Variants in TRAPPC9 observed in about 807,000 individuals in gnomAD.
TRAPPC9 encodes IKK2 binding protein.
Under a neutral mutation model 124.0 loss-of-function variants are expected in TRAPPC9, and 83 were observed. That is an observed-to-expected ratio of 0.67 (90% CI 0.56 to 0.80). TRAPPC9 has a LOEUF of 0.80. TRAPPC9 is among the 30% of genes least tolerant of loss of function. The probability of loss-of-function intolerance (pLI) is 0.00; values close to 1 mark genes in which losing one functional copy is unlikely to be tolerated. For missense variants in TRAPPC9, 1,302 were observed against 1,508.3 expected (o/e 0.86, Z 2.27); for synonymous variants, 638 against 617.5 (o/e 1.03, Z -0.49).
At chr8:140,154,847 G>A (rs576922568) in intron 17 of TRAPPC9, among the ~76,000 whole-genome samples, 6 of 152,370 alleles carry the variant, frequency 3.9e-5, no homozygotes, top group African/African-American at 1.4e-4. Flanking sequence ...GGCTGGCACA[G>A]AGAAGGCACT....
chr8:139,740,935 G>A (rs1818512518), intron 21 of TRAPPC9, among the ~76,000 whole-genome samples: 1 of 152,158 alleles, frequency 6.6e-6, no homozygotes, highest in Non-Finnish European at 1.5e-5. Context: ...CACCAGGAGG[G>A]GTGAATCCAG....
chr8:139,737,997 A>G (rs1413467663), intron 21 of TRAPPC9, among the ~76,000 whole-genome samples: 1 of 152,136 alleles, frequency 6.6e-6, no homozygotes, highest in African/African-American at 2.4e-5. Flanking sequence ...GCCGGATGCA[A>G]TTGAGAGGAA....
intron 21 of TRAPPC9, among the ~76,000 whole-genome samples, chr8:139,791,581 GAC>G (rs137877446): frequency 7.1e-6 from 1 of 141,764 alleles, no homozygotes; most frequent in South Asian, 2.3e-4. Context: ...CCCCTGCACA[GAC>G]ACACACACAC....
chr8:140,113,027 C>CA (rs1030689353), intron 17 of TRAPPC9, among the ~76,000 whole-genome samples: 2 of 150,454 alleles, frequency 1.3e-5, no homozygotes, highest in East Asian at 1.9e-4. Context: ...TTCTTGACAT[C>CA]AAAAAAAAAT....
chr8:140,424,439 C>G (rs2070352263), intron 5 of TRAPPC9, among the ~76,000 whole-genome samples: 12 of 151,514 alleles, frequency 7.9e-5, no homozygotes, highest in Admixed American at 7.9e-4. Context: ...CCAGGACCAG[C>G]TGGGTCAACA....
intron 16 of TRAPPC9, among the ~76,000 whole-genome samples, chr8:140,229,561 C>A (rs188670630): frequency 6.6e-6 from 1 of 151,632 alleles, no homozygotes; most frequent in Non-Finnish European, 1.5e-5. Flanking sequence ...TGTGAGCCAC[C>A]GCACCCGGCC....
intron 17 of TRAPPC9, among the ~76,000 whole-genome samples, chr8:140,132,793 G>GGAGGAA (rs1396637527): frequency 1.3e-4 from 2 of 15,022 alleles, no homozygotes; most frequent in Non-Finnish European, 2.6e-4. Flanking sequence ...AGGCCAAGTC[G>GGAGGAA]GAGGAGGAGG....
intron 17 of TRAPPC9, among the ~76,000 whole-genome samples, chr8:140,184,330 A>C (rs2062302237): frequency 6.6e-6 from 1 of 152,246 alleles, no homozygotes; most frequent in African/African-American, 2.4e-5. Context: ...AAGAAAGTTC[A>C]CCAAAAGTTG....
At chr8:140,402,978 A>G (rs2069334564) in intron 6 of TRAPPC9, among the ~76,000 whole-genome samples, 1 of 152,204 alleles carries the variant, frequency 6.6e-6, no homozygotes, top group Non-Finnish European at 1.5e-5. Flanking sequence ...TTATAAAAAT[A>G]TTTTAAATGC....
rs535124659 is a variant in TRAPPC9 at position 140,157,651 on chromosome 8, G to A, written c.2556+63808C>T. Among the ~76,000 whole-genome samples the A allele has an allele frequency of 1.3e-4, 19 of 151,956 alleles. No individual in the cohort carries two copies. The East Asian group carries it at 1.9e-3, about 15-fold the overall frequency. ...ACTCTCAGATACCAATTCTGTGTTC[G>A]ATCATACATTTTCTTTTTCACTAAA... On this transcript the variant is annotated intron_variant, in intron 17 of 22. Coordinates refer to ENST00000438773, the MANE Select transcript of TRAPPC9 (RefSeq NM_001160372.4).
chr8:140,382,079 C>T (rs1444853382), intron 7 of TRAPPC9, among the ~76,000 whole-genome samples: 1 of 152,218 alleles, frequency 6.6e-6, no homozygotes, highest in East Asian at 1.9e-4. Flanking sequence ...ACCTAAAGTC[C>T]ATCAACCAAT....
intron 17 of TRAPPC9, among the ~76,000 whole-genome samples, chr8:140,101,532 CTTTTTTTTGTTTTT>C (rs1484829922): frequency 7.6e-5 from 6 of 78,722 alleles, no homozygotes; most frequent in East Asian, 4.5e-4. Flanking sequence ...GTAGGGTTTT[CTTTTTTTTGTTTTT>C]TTTTTTTTTT....
intron 21 of TRAPPC9, among the ~76,000 whole-genome samples, chr8:139,828,050 C>T (rs532819818): frequency 6.6e-6 from 1 of 152,312 alleles, no homozygotes; most frequent in Non-Finnish European, 1.5e-5. Flanking sequence ...ACACCTCCCA[C>T]CAGGCCCCAC....
chr8:140,408,682 A>G (rs950994452), intron 5 of TRAPPC9, among the ~76,000 whole-genome samples: 2 of 152,158 alleles, frequency 1.3e-5, no homozygotes, highest in African/African-American at 4.8e-5. Flanking sequence ...GCAGGAAGAC[A>G]AGGCATCCAT....
intron 21 of TRAPPC9, among the ~76,000 whole-genome samples, chr8:139,762,579 T>A (rs532320992): frequency 6.6e-6 from 1 of 152,204 alleles, no homozygotes; most frequent in East Asian, 1.9e-4. Flanking sequence ...TACCCAAACA[T>A]CTAGACACAG....
chr8:140,030,984 G>C (rs187938974), intron 17 of TRAPPC9, among the ~76,000 whole-genome samples: 1 of 152,132 alleles, frequency 6.6e-6, no homozygotes, highest in Non-Finnish European at 1.5e-5. Flanking sequence ...TGGTTAATGA[G>C]GCTACATTTT....
chr8:139,846,346 T>A (rs982657529), intron 21 of TRAPPC9, among the ~76,000 whole-genome samples: 1 of 152,162 alleles, frequency 6.6e-6, no homozygotes, highest in Non-Finnish European at 1.5e-5. Context: ...GGGATCAGGA[T>A]AACACTTGTC....
intron 17 of TRAPPC9, among the ~76,000 whole-genome samples, chr8:140,183,785 G>A (rs916789152): frequency 4.0e-5 from 6 of 151,240 alleles, no homozygotes; most frequent in Non-Finnish European, 7.4e-5. Flanking sequence ...AACCCAGGAT[G>A]GGGAGTTTGC....
intron 17 of TRAPPC9, among the ~76,000 whole-genome samples, chr8:140,129,655 G>A (rs990360137): frequency 6.7e-6 from 1 of 148,770 alleles, no homozygotes; most frequent in African/African-American, 2.6e-5. Context: ...GAAGGATGGT[G>A]AGAGCCAGCT....
Sources: gnomAD v4.1 joint callset for allele counts (sites outside exome capture counted in the v4.1 genomes callset) on GRCh38, gnomAD v4.1.1 for gene constraint, MANE v1.5 for transcripts, NCBI Gene and HGNC (gene_info 2026-07-23, HGNC 2026-07-21) for gene names.